The following ROBO2 variants were observed in gnomAD, a reference collection of about 807,000 sequenced individuals.
The protein encoded by ROBO2 is roundabout homolog 2.
Under a neutral mutation model 160.8 loss-of-function variants are expected in ROBO2, and 53 were observed. That is an observed-to-expected ratio of 0.33 (90% CI 0.26 to 0.41). ROBO2 has a LOEUF of 0.41. Ranked by LOEUF, ROBO2 falls within the 10% of genes least tolerant of loss-of-function variation. The probability of loss-of-function intolerance (pLI) is 1.00; values close to 1 mark genes in which losing one functional copy is unlikely to be tolerated. For missense variants in ROBO2, 1,577 were observed against 1,722.4 expected, an observed-to-expected ratio of 0.92 and a Z score of 1.49; for synonymous variants, 664 against 611.7, an observed-to-expected ratio of 1.09 and a Z score of -1.26.
At chr3:76,549,594 C>T (rs932977614) in intron 2 of ROBO2, among the ~76,000 whole-genome samples, 5 of 152,150 alleles carry the variant, frequency 3.3e-5, no homozygotes, top group Admixed American at 6.5e-5. Flanking sequence ...TGAGAATATT[C>T]CATCAATATA....
At chr3:77,549,917 A>G (rs2092850613) in intron 7 of ROBO2, among the ~76,000 whole-genome samples, 1 of 151,986 alleles carries the variant, frequency 6.6e-6, no homozygotes. Context: ...TTTGTAAGTA[A>G]ATACAACATA....
intron 2 of ROBO2, among the ~76,000 whole-genome samples, chr3:77,450,607 A>G (rs1239553639): frequency 6.6e-6 from 1 of 152,106 alleles, no homozygotes; most frequent in Non-Finnish European, 1.5e-5. Context: ...CCCATCAATT[A>G]ATATGAAAAA....
At chr3:76,232,412 C>G (rs1704674631) in intron 2 of ROBO2, among the ~76,000 whole-genome samples, 1 of 152,136 alleles carries the variant, frequency 6.6e-6, no homozygotes, top group Non-Finnish European at 1.5e-5. Context: ...ACTATTGCTG[C>G]AACAGCAACA....
intron 2 of ROBO2, among the ~76,000 whole-genome samples, chr3:77,391,487 G>A (rs763626345): frequency 2.0e-5 from 3 of 151,862 alleles, no homozygotes; most frequent in Non-Finnish European, 4.4e-5. Flanking sequence ...AGCAAGGGAC[G>A]TCTTACATGG....
At chr3:76,871,318 G>T (rs1235759813) in intron 2 of ROBO2, among the ~76,000 whole-genome samples, 1 of 152,020 alleles carries the variant, frequency 6.6e-6, no homozygotes, top group Non-Finnish European at 1.5e-5. Context: ...ACTTTGGGAG[G>T]CCGAGGCAGG....
intron 2 of ROBO2, among the ~76,000 whole-genome samples, chr3:77,267,021 G>T (rs1580499967): frequency 1.3e-5 from 2 of 151,946 alleles, no homozygotes; most frequent in South Asian, 4.2e-4. Context: ...GTGGGTTATC[G>T]ACAGCTAGAC....
intron 2 of ROBO2, among the ~76,000 whole-genome samples, chr3:76,236,423 G>C (rs1469092239): frequency 6.6e-6 from 1 of 151,876 alleles, no homozygotes; most frequent in Non-Finnish European, 1.5e-5. Flanking sequence ...AAATCTTGAG[G>C]GTCAATTTTT....
intron 2 of ROBO2, among the ~76,000 whole-genome samples, chr3:77,452,281 TGTGGGAAAC>T (rs768286387): frequency 1.3e-5 from 2 of 152,188 alleles, no homozygotes; most frequent in Non-Finnish European, 2.9e-5. Context: ...TCACATTTCA[TGTGGGAAAC>T]AGGACTGCAA....
chr3:76,359,768 A>G (rs776553054), intron 2 of ROBO2, among the ~76,000 whole-genome samples: 1 of 151,964 alleles, frequency 6.6e-6, no homozygotes, highest in South Asian at 2.1e-4. Context: ...TTTGGTAGCT[A>G]TCTCTTTCCT....
intron 2 of ROBO2, among the ~76,000 whole-genome samples, chr3:77,323,413 T>G (rs2065023138): frequency 6.6e-6 from 1 of 152,086 alleles, no homozygotes; most frequent in African/African-American, 2.4e-5. Context: ...AAGTTTATAA[T>G]CTAAGAAGCT....
chr3:76,947,763 T>A (rs932742108), intron 2 of ROBO2, among the ~76,000 whole-genome samples: 4 of 152,220 alleles, frequency 2.6e-5, no homozygotes, highest in African/African-American at 9.6e-5. Context: ...GACATGTGAC[T>A]GGTTTTTTTG....
intron 21 of ROBO2, among the ~76,000 whole-genome samples, chr3:77,611,166 C>T (rs1004594922): frequency 2.0e-5 from 3 of 151,908 alleles, no homozygotes; most frequent in Admixed American, 6.6e-5. Flanking sequence ...GGCGAGGTGG[C>T]GGCCGCCTGT....
chr3:76,261,202 G>GTA (rs796253150), intron 2 of ROBO2, among the ~76,000 whole-genome samples: 748 of 67,186 alleles, frequency 0.011, 6 homozygotes, highest in Admixed American at 0.025. Flanking sequence ...GTGTGTGTGT[G>GTA]TATATATATA....
intron 24 of ROBO2, among the ~76,000 whole-genome samples, chr3:77,638,174 G>T (rs760853549): frequency 2.0e-5 from 3 of 152,066 alleles, no homozygotes; most frequent in Non-Finnish European, 2.9e-5. Context: ...GCATTTATAT[G>T]GTATGGATCC....
At chr3:76,567,132 C>T (rs1223493326) in intron 2 of ROBO2, among the ~76,000 whole-genome samples, 5 of 151,908 alleles carry the variant, frequency 3.3e-5, no homozygotes, top group East Asian at 1.9e-4. Context: ...CAGTGGAAAA[C>T]GAAGACGTGA....
chr3:77,285,402 T>G (rs989811091), intron 2 of ROBO2, among the ~76,000 whole-genome samples: 1 of 152,210 alleles, frequency 6.6e-6, no homozygotes, highest in African/African-American at 2.4e-5. Context: ...AAAAACCGTC[T>G]GCTATACAAT....
At chr3:76,412,839 A>T (rs2108849265) in intron 2 of ROBO2, among the ~76,000 whole-genome samples, 1 of 152,290 alleles carries the variant, frequency 6.6e-6, no homozygotes, top group African/African-American at 2.4e-5. Context: ...TGGGGTCTGC[A>T]GGACAATGGC....
chr3:77,268,992 A>G (rs759300371), intron 2 of ROBO2, among the ~76,000 whole-genome samples: 3 of 152,342 alleles, frequency 2.0e-5, no homozygotes, highest in Non-Finnish European at 4.4e-5. Flanking sequence ...TACAGTGTTC[A>G]CAGCTTGTGT....
chr3:76,481,831 G>C (rs985818076), intron 2 of ROBO2, among the ~76,000 whole-genome samples: 1 of 152,122 alleles, frequency 6.6e-6, no homozygotes, highest in Non-Finnish European at 1.5e-5. Context: ...GGAATGAGGT[G>C]ATTAGGTGGC....
Sources: allele counts gnomAD v4.1 joint callset (sites outside exome capture counted in the v4.1 genomes callset), GRCh38; gene constraint gnomAD v4.1.1; transcripts MANE v1.5; gene names NCBI Gene and HGNC (gene_info 2026-07-23, HGNC 2026-07-21).